The following PDS5B variants were observed in gnomAD, a reference collection of about 807,000 sequenced individuals.
PDS5B encodes sister chromatid cohesion protein PDS5 homolog B.
A neutral mutation model predicts 184.1 loss-of-function variants in PDS5B; 51 were observed. The observed-to-expected ratio is 0.28, with a 90% CI of 0.22 to 0.35. The LOEUF is 0.35. Among genes scored for constraint, PDS5B ranks in the 10% least tolerant of loss-of-function variants. The pLI is 1.00. For synonymous variants in PDS5B, 566 were observed against 569.2 expected (o/e 0.99, Z 0.08); for missense variants, 1,180 against 1,723.3 (o/e 0.68, Z 5.58).
At chr13:32,697,395 C>CTG (rs754797315) in intron 15 of PDS5B, among the ~76,000 whole-genome samples, 1 of 152,132 alleles carries the variant, frequency 6.6e-6, no homozygotes, top group African/African-American at 2.4e-5. Flanking sequence ...TCAGAGGTCA[C>CTG]TGTGTATAGC....
chr13:32,589,653 A>C (rs1165783917), intron 1 of PDS5B, among the ~76,000 whole-genome samples: 5 of 152,200 alleles, frequency 3.3e-5, no homozygotes, highest in African/African-American at 1.2e-4. Context: ...TTTTAAACTC[A>C]GTTTGCTACA....
At chr13:32,629,008 A>C (rs2058414855) in intron 1 of PDS5B, among the ~76,000 whole-genome samples, 1 of 152,200 alleles carries the variant, frequency 6.6e-6, no homozygotes. Context: ...GTATTAACAC[A>C]AATCTTTTCA....
intron 19 of PDS5B, among the ~76,000 whole-genome samples, chr13:32,714,922 T>C (rs563118670): frequency 3.3e-5 from 5 of 152,304 alleles, no homozygotes; most frequent in African/African-American, 7.2e-5. Flanking sequence ...AGAGTATTGA[T>C]TGGGGAAGTG....
At chr13:32,669,277 GT>G (rs1322611651) in intron 7 of PDS5B, among the ~76,000 whole-genome samples, 107 of 144,602 alleles carry the variant, frequency 7.4e-4, no homozygotes, top group African/African-American at 2.0e-3. Context: ...TGCCAAGCCA[GT>G]TTTTTTTTTT....
At chr13:32,682,336 T>A (rs1214496356) in intron 10 of PDS5B, among the ~76,000 whole-genome samples, 3 of 152,174 alleles carry the variant, frequency 2.0e-5, no homozygotes, top group Non-Finnish European at 2.9e-5. Flanking sequence ...TTTCTGTAGG[T>A]TAGTTTTGCC....
Position 32,673,272 on chromosome 13 carries a change from T to C in PDS5B, c.762T>C (p.His254=), listed in dbSNP as rs546076444. The change falls in exon 8 of 35, where the codon CAT becomes CAC. Residue 254 remains histidine, a synonymous_variant. Transcript: ENST00000315596. The stretch of plus-strand genomic sequence containing the variant: ...CATCTATCAGCGATTTGTCAGAGCA[T>C]GTCTTTGACTTAATTTTGGAGCTCT... ...GKTSISDLSE[H]VFDLILELYN... The C allele has an allele frequency of 9.9e-6, 16 of 1,613,086 alleles. No individual in the cohort carries two copies. The South Asian group carries it at 1.6e-4, about 17-fold the overall frequency.
chr13:32,698,937 T>A (rs567295055), intron 15 of PDS5B, among the ~76,000 whole-genome samples: 1 of 152,240 alleles, frequency 6.6e-6, no homozygotes, highest in East Asian at 1.9e-4. Context: ...ATTCTTTTAG[T>A]AGAGACAGGG....
chr13:32,648,647 T>C, intron 1 of PDS5B, 107 bp from the exon 2 acceptor site: 2 of 587,832 alleles, frequency 3.4e-6, no homozygotes, highest in Non-Finnish European at 3.0e-6. Flanking sequence ...TACTATAAAT[T>C]AGGAGGTAGT....
intron 7 of PDS5B, among the ~76,000 whole-genome samples, chr13:32,671,711 G>A (rs1422375912): frequency 6.6e-6 from 1 of 152,144 alleles, no homozygotes; most frequent in African/African-American, 2.4e-5. Flanking sequence ...AACCCAAGAA[G>A]TAAAAGTAAG....
At chr13:32,724,275 A>AT (rs980261068) in intron 19 of PDS5B, among the ~76,000 whole-genome samples, 19 of 147,500 alleles carry the variant, frequency 1.3e-4, no homozygotes, top group Middle Eastern at 3.5e-3. Context: ...CATCCAGCTA[A>AT]TTTTTTTTTT....
chr13:32,641,918 C>T (rs1368534356), intron 1 of PDS5B, among the ~76,000 whole-genome samples: 2 of 152,120 alleles, frequency 1.3e-5, no homozygotes, highest in Admixed American at 6.5e-5. Flanking sequence ...TCCATTACAA[C>T]GAGGGCAGAG....
intron 19 of PDS5B, among the ~76,000 whole-genome samples, chr13:32,725,066 T>C (rs1170857646): frequency 6.6e-6 from 1 of 152,244 alleles, no homozygotes; most frequent in Non-Finnish European, 1.5e-5. Flanking sequence ...TCAGTCTTGA[T>C]ATTCTTATTG....
At chr13:32,670,710 T>TA (rs1402035548) in intron 7 of PDS5B, among the ~76,000 whole-genome samples, 5 of 152,234 alleles carry the variant, frequency 3.3e-5, no homozygotes, top group East Asian at 1.9e-4. Context: ...GTTCTTTTTT[T>TA]ATCACAAATT....
At chr13:32,652,163 A>C (rs1950381688) in intron 3 of PDS5B, 156 bp downstream of exon 3, 1 of 572,094 alleles carries the variant, frequency 1.7e-6, no homozygotes. Flanking sequence ...TTTTTTTTAG[A>C]ACTTATTTTT....
At chr13:32,699,352 G>A (rs899073098) in intron 15 of PDS5B, among the ~76,000 whole-genome samples, 1 of 152,114 alleles carries the variant, frequency 6.6e-6, no homozygotes, top group Non-Finnish European at 1.5e-5. Flanking sequence ...AGTTCTTAAA[G>A]GTAAAACTTA....
At chr13:32,637,609 C>A (rs1049945374) in intron 1 of PDS5B, among the ~76,000 whole-genome samples, 1 of 151,792 alleles carries the variant, frequency 6.6e-6, no homozygotes, top group Non-Finnish European at 1.5e-5. Flanking sequence ...AGAACATAAA[C>A]AGTAAAAAGA....
intron 2 of PDS5B, chr13:32,650,462 G>T (rs1950341228): frequency 6.6e-6 from 1 of 152,088 alleles, no homozygotes; most frequent in Admixed American, 6.6e-5. Flanking sequence ...AACGTGTAAG[G>T]TGATACTGTT....
At chr13:32,771,524 A>G (rs1954785674) in intron 33 of PDS5B, among the ~76,000 whole-genome samples, 1 of 72,196 alleles carries the variant, frequency 1.4e-5, no homozygotes, top group Admixed American at 1.6e-4. Flanking sequence ...ACATAATTAC[A>G]TCATGGCTCG....
intron 1 of PDS5B, among the ~76,000 whole-genome samples, chr13:32,617,465 G>A (rs2058236603): frequency 6.6e-6 from 1 of 152,170 alleles, no homozygotes; most frequent in African/African-American, 2.4e-5. Context: ...AGACCACTGT[G>A]GCAAATGCTG....
Sources: gnomAD v4.1 joint callset for allele counts (sites outside exome capture counted in the v4.1 genomes callset) on GRCh38, gnomAD v4.1.1 for gene constraint, MANE v1.5 for transcripts, NCBI Gene and HGNC (gene_info 2026-07-23, HGNC 2026-07-21) for gene names.